Variants in NRXN3 observed in about 807,000 individuals in gnomAD.
NRXN3 encodes the protein neurexin III.
In NRXN3, 32 loss-of-function variants were observed where a neutral mutation model predicts 137.6. The ratio of observed to expected loss-of-function variants is 0.23; its 90% CI spans 0.18 to 0.31. NRXN3 has a LOEUF of 0.31. Ranked by LOEUF, NRXN3 falls within the 10% of genes least tolerant of loss-of-function variation. The probability of loss-of-function intolerance (pLI) is 1.00; values close to 1 mark genes in which losing one functional copy is unlikely to be tolerated. For synonymous variants in NRXN3, 798 were observed against 784.5 expected (o/e 1.02, Z -0.29); for missense variants, 1,574 against 2,062.5 (o/e 0.76, Z 4.59).
intron 4 of NRXN3, among the ~76,000 whole-genome samples, chr14:78,512,597 A>G (rs1161227228): frequency 1.3e-5 from 2 of 152,342 alleles, no homozygotes; most frequent in Middle Eastern, 3.4e-3. Context: ...TTAGGTGGCA[A>G]TCAGAGTGTA....
In NRXN3 at chr14:79,867,425, T is replaced by C. The variant is rs368461739; in HGVS notation, c.*5461T>C. On this transcript the variant is annotated 3_prime_UTR_variant, in exon 21 of 21. Transcript: ENST00000335750. ...TGGGAAGGGCTCTCTTCCTGGCTTG[T>C]AGATAATAAGCTACCTTCTCACTAT... 4 of 152,352 alleles carry C rather than the reference T, an allele frequency of 2.6e-5. No homozygotes were observed. The East Asian group carries it at 5.8e-4, about 22-fold the overall frequency. The allele number at this position is 152,352 out of a possible 1,614,324, so 9.4% of individuals were successfully genotyped here.
At chr14:78,979,084 A>G (rs2099481157) in intron 14 of NRXN3, among the ~76,000 whole-genome samples, 2 of 152,122 alleles carry the variant, frequency 1.3e-5, no homozygotes, top group African/African-American at 2.4e-5. Context: ...GAATAGGACC[A>G]CAACAGATTG....
At chr14:78,868,122 G>A (rs1315533264) in intron 10 of NRXN3, among the ~76,000 whole-genome samples, 1 of 150,606 alleles carries the variant, frequency 6.6e-6, no homozygotes, top group Admixed American at 6.6e-5. Context: ...TTATAAATCT[G>A]TCTTTATTAC....
At chr14:79,016,197 AC>A (rs1224698930) in intron 15 of NRXN3, among the ~76,000 whole-genome samples, 1 of 152,162 alleles carries the variant, frequency 6.6e-6, no homozygotes, top group African/African-American at 2.4e-5. Flanking sequence ...GTTATTATAC[AC>A]CTGGGACCTC....
At chr14:78,833,305 G>T in intron 10 of NRXN3, among the ~76,000 whole-genome samples, 1 of 152,086 alleles carries the variant, frequency 6.6e-6, no homozygotes, top group East Asian at 1.9e-4. Context: ...TAGAGCCTTG[G>T]TTTTGTGAGC....
At chr14:79,767,361 T>G (rs2099059476) in intron 19 of NRXN3, among the ~76,000 whole-genome samples, 1 of 152,248 alleles carries the variant, frequency 6.6e-6, no homozygotes, top group African/African-American at 2.4e-5. Flanking sequence ...CTCTTGCCTA[T>G]TAATGTTCTT....
chr14:79,744,396 C>A (rs1426384550), intron 19 of NRXN3, among the ~76,000 whole-genome samples: 1 of 146,098 alleles, frequency 6.8e-6, no homozygotes, highest in Non-Finnish European at 1.5e-5. Context: ...CTTCACCTTT[C>A]TATCCACTTA....
intron 15 of NRXN3, among the ~76,000 whole-genome samples, chr14:79,340,503 T>C (rs1484045201): frequency 6.6e-6 from 1 of 152,188 alleles, no homozygotes; most frequent in Non-Finnish European, 1.5e-5. Context: ...TTTCCTCTTA[T>C]TGCCCAGGCT....
At chr14:79,850,104 G>T (rs5011854) in intron 20 of NRXN3, among the ~76,000 whole-genome samples, 1 of 152,196 alleles carries the variant, frequency 6.6e-6, no homozygotes, top group Middle Eastern at 3.4e-3. Flanking sequence ...TTTCATAGGA[G>T]AAACAGATGT....
At chr14:79,241,416 A>G (rs776252449) in intron 15 of NRXN3, among the ~76,000 whole-genome samples, 15 of 152,190 alleles carry the variant, frequency 9.9e-5, no homozygotes, top group East Asian at 1.9e-4. Flanking sequence ...CCTCACAATC[A>G]TGGCGGAAAG....
intron 19 of NRXN3, among the ~76,000 whole-genome samples, chr14:79,724,271 G>T (rs1235673372): frequency 1.3e-5 from 2 of 152,136 alleles, no homozygotes; most frequent in African/African-American, 4.8e-5. Context: ...CAATGAGAAT[G>T]AGCTGGAGTC....
chr14:78,885,413 A>G (rs751153848), intron 10 of NRXN3, among the ~76,000 whole-genome samples: 1 of 152,002 alleles, frequency 6.6e-6, no homozygotes, highest in Non-Finnish European at 1.5e-5. Context: ...AAATCTGCAA[A>G]TGAAACTAAA....
chr14:79,322,228 A>T (rs1378963093), intron 15 of NRXN3, among the ~76,000 whole-genome samples: 1 of 152,194 alleles, frequency 6.6e-6, no homozygotes, highest in Non-Finnish European at 1.5e-5. Context: ...TCAACATTTT[A>T]TGCATGGAGT....
intron 20 of NRXN3, among the ~76,000 whole-genome samples, chr14:79,824,381 A>C (rs72698432): frequency 1.5e-5 from 2 of 132,972 alleles, no homozygotes; most frequent in African/African-American, 2.8e-5. Context: ...TTAGTCATTT[A>C]GTTTATCAGG....
chr14:78,721,730 G>T (rs142035843), intron 8 of NRXN3, among the ~76,000 whole-genome samples: 7 of 152,098 alleles, frequency 4.6e-5, no homozygotes, highest in African/African-American at 1.4e-4. Context: ...AGCATTAAAA[G>T]GCTGTTTCCT....
chr14:78,921,773 C>A (rs1232070085), intron 10 of NRXN3, among the ~76,000 whole-genome samples: 3 of 152,154 alleles, frequency 2.0e-5, no homozygotes, highest in East Asian at 1.9e-4. Context: ...AATTCCTAGA[C>A]AAACATATAA....
At chr14:78,467,999 C>T (rs1481793771) in intron 4 of NRXN3, among the ~76,000 whole-genome samples, 2 of 152,156 alleles carry the variant, frequency 1.3e-5, no homozygotes, top group Non-Finnish European at 2.9e-5. Flanking sequence ...TCTTGGCTCA[C>T]TGCAACCTCC....
At chr14:78,460,283 T>C (rs184312342) in intron 4 of NRXN3, among the ~76,000 whole-genome samples, 27 of 152,348 alleles carry the variant, frequency 1.8e-4, no homozygotes, top group African/African-American at 6.0e-4. Flanking sequence ...CTTCATTACA[T>C]AGGCATAATT....
chr14:78,284,140 G>A (rs996211641), intron 3 of NRXN3, among the ~76,000 whole-genome samples: 2 of 152,158 alleles, frequency 1.3e-5, no homozygotes, highest in Admixed American at 1.3e-4. Context: ...AATCACTAAA[G>A]GGAAAAGTCA....
Sources: allele counts gnomAD v4.1 joint callset (sites outside exome capture counted in the v4.1 genomes callset), GRCh38; gene constraint gnomAD v4.1.1; transcripts MANE v1.5; gene names NCBI Gene and HGNC (gene_info 2026-07-23, HGNC 2026-07-21).